The following NCALD variants were observed in gnomAD, a reference collection of about 807,000 sequenced individuals.
The protein encoded by NCALD is neurocalcin delta.
A neutral mutation model predicts 18.6 loss-of-function variants in NCALD; 10 were observed. That is an observed-to-expected ratio of 0.54 (90% CI 0.33 to 0.91). The LOEUF is 0.91. Among genes scored for constraint, NCALD ranks in the 40% least tolerant of loss-of-function variants. NCALD has a pLI of 0.03. For missense variants in NCALD, 184 were observed against 247.6 expected (o/e 0.74, Z 1.72); for synonymous variants, 88 against 87.4 (o/e 1.01, Z -0.04).
intron 4 of NCALD, among the ~76,000 whole-genome samples, chr8:101,804,336 CAATTATATATTAT>C (rs1563785749): frequency 1.5e-5 from 2 of 131,166 alleles, no homozygotes; most frequent in East Asian, 5.6e-4. Flanking sequence ...ATAATTATAT[CAATTATATATTAT>C]ATATAATTAT....
chr8:101,857,996 G>A (rs1815388196), intron 4 of NCALD, among the ~76,000 whole-genome samples: 1 of 152,106 alleles, frequency 6.6e-6, no homozygotes, highest in South Asian at 2.1e-4. Context: ...CATTGTCAAT[G>A]GGATAGATAT....
intron 4 of NCALD, among the ~76,000 whole-genome samples, chr8:101,849,450 C>T (rs1448160990): frequency 1.3e-5 from 2 of 152,052 alleles, no homozygotes; most frequent in Non-Finnish European, 2.9e-5. Context: ...ATAAAAATTA[C>T]ATGTTGATTC....
chr8:101,849,049 C>G (rs770865811), intron 4 of NCALD, among the ~76,000 whole-genome samples: 1 of 152,126 alleles, frequency 6.6e-6, no homozygotes, highest in Non-Finnish European at 1.5e-5. Context: ...AGATTATGTC[C>G]TTTGTAGGAA....
chr8:102,022,697 T>C (rs1228959486), intron 1 of NCALD, among the ~76,000 whole-genome samples: 1 of 152,114 alleles, frequency 6.6e-6, no homozygotes, highest in African/African-American at 2.4e-5. Flanking sequence ...TCTCAGAACA[T>C]AATCAACATG....
At chr8:101,854,063 G>C (rs1234883445) in intron 4 of NCALD, among the ~76,000 whole-genome samples, 1 of 152,212 alleles carries the variant, frequency 6.6e-6, no homozygotes, top group African/African-American at 2.4e-5. Flanking sequence ...AAGTAGGCTT[G>C]AGCCCCAGAA....
chr8:102,030,229 C>T (rs957278020), intron 1 of NCALD, among the ~76,000 whole-genome samples: 52 of 152,290 alleles, frequency 3.4e-4, no homozygotes, highest in Admixed American at 7.2e-4. Context: ...ATTCCCTGGT[C>T]ATTTAAGGCC....
At chr8:101,798,220 T>G (rs866802081) in intron 4 of NCALD, among the ~76,000 whole-genome samples, 34 of 152,334 alleles carry the variant, frequency 2.2e-4, no homozygotes, top group African/African-American at 7.9e-4. Context: ...TAAAACTGTT[T>G]CATTTGTGGA....
intron 2 of NCALD, among the ~76,000 whole-genome samples, chr8:101,981,080 A>G (rs1458304848): frequency 1.3e-5 from 2 of 152,216 alleles, no homozygotes; most frequent in East Asian, 3.8e-4. Context: ...ATTCTTGTAT[A>G]TCAATCACTT....
chr8:101,941,767 C>T (rs1263990212), intron 2 of NCALD, among the ~76,000 whole-genome samples: 1 of 152,144 alleles, frequency 6.6e-6, no homozygotes, highest in Non-Finnish European at 1.5e-5. Flanking sequence ...TCAGTCTTAA[C>T]TACAGCAATT....
intron 3 of NCALD, among the ~76,000 whole-genome samples, chr8:101,897,972 C>T (rs1028127240): frequency 1.3e-5 from 2 of 152,198 alleles, no homozygotes; most frequent in Non-Finnish European, 2.9e-5. Context: ...AGTGAGTTCT[C>T]ACAAGATCTG....
At chr8:101,876,438 C>G (rs1816230235) in intron 4 of NCALD, among the ~76,000 whole-genome samples, 1 of 152,246 alleles carries the variant, frequency 6.6e-6, no homozygotes, top group Non-Finnish European at 1.5e-5. Flanking sequence ...GTTCCTGCAT[C>G]TCACGGGACA....
intron 4 of NCALD, among the ~76,000 whole-genome samples, chr8:101,805,349 G>A (rs948951430): frequency 1.3e-5 from 2 of 152,092 alleles, no homozygotes; most frequent in African/African-American, 4.8e-5. Context: ...TGGAAAGGTA[G>A]GACACCAGCC....
chr8:101,960,721 C>T (rs1819804339), intron 2 of NCALD, among the ~76,000 whole-genome samples: 1 of 152,142 alleles, frequency 6.6e-6, no homozygotes, highest in South Asian at 2.1e-4. Context: ...CAAAACCCTC[C>T]ATAGGCTTTC....
intron 1 of NCALD, among the ~76,000 whole-genome samples, chr8:102,081,720 G>T (rs906877003): frequency 2.0e-5 from 3 of 152,174 alleles, no homozygotes; most frequent in Non-Finnish European, 4.4e-5. Context: ...GTCATAAAAA[G>T]AAACACAGAA....
intron 2 of NCALD, among the ~76,000 whole-genome samples, chr8:101,925,718 A>C (rs1818314015): frequency 6.6e-6 from 1 of 152,284 alleles, no homozygotes; most frequent in East Asian, 1.9e-4. Context: ...CCCCATACCT[A>C]ATAGGTGCTC....
chr8:101,895,206 G>A (rs375782821), intron 3 of NCALD, among the ~76,000 whole-genome samples: 37 of 149,572 alleles, frequency 2.5e-4, no homozygotes, highest in East Asian at 7.7e-4. Context: ...AGGCTGGTTC[G>A]ATATACGCAA....
intron 1 of NCALD, among the ~76,000 whole-genome samples, chr8:101,740,630 A>G (rs1810145765): frequency 6.6e-6 from 1 of 152,218 alleles, no homozygotes; most frequent in Non-Finnish European, 1.5e-5. Context: ...TTGTTAAGAG[A>G]AAATGAAAAT....
At chr8:101,935,359 T>A (rs984834048) in intron 2 of NCALD, among the ~76,000 whole-genome samples, 1 of 152,292 alleles carries the variant, frequency 6.6e-6, no homozygotes, top group East Asian at 1.9e-4. Flanking sequence ...TTGATAGCAA[T>A]AGACATGAAA....
At chr8:101,843,006 CA>C (rs1227858725) in intron 4 of NCALD, among the ~76,000 whole-genome samples, 6 of 152,190 alleles carry the variant, frequency 3.9e-5, no homozygotes. Flanking sequence ...CAGCCATCCC[CA>C]TGGTGTTCCC....
Sources: allele counts gnomAD v4.1 joint callset (sites outside exome capture counted in the v4.1 genomes callset), GRCh38; gene constraint gnomAD v4.1.1; transcripts MANE v1.5; gene names NCBI Gene and HGNC (gene_info 2026-07-23, HGNC 2026-07-21).